Variants in MYH10 observed in about 807,000 individuals in gnomAD.
The protein encoded by MYH10 is myosin-10.
Under a neutral mutation model 257.8 loss-of-function variants are expected in MYH10, and 55 were observed. The ratio of observed to expected loss-of-function variants is 0.21; its 90% confidence interval spans 0.17 to 0.27. MYH10 has a LOEUF of 0.27. Ranked by LOEUF, MYH10 falls within the 10% of genes least tolerant of loss-of-function variation. The pLI is 1.00. For synonymous variants in MYH10, 854 were observed against 921.7 expected, an observed-to-expected ratio of 0.93 and a Z score of 1.33; for missense variants, 1,631 against 2,500.6, an observed-to-expected ratio of 0.65 and a Z score of 7.42.
intron 29 of MYH10, among the ~76,000 whole-genome samples, chr17:8,500,319 AG>A (rs773042240): frequency 2.6e-5 from 4 of 152,190 alleles, no homozygotes; most frequent in African/African-American, 4.8e-5. Flanking sequence ...ATTAAGTTTC[AG>A]GAGAACGGAA....
At chr17:8,494,260 G>A (rs1387890307) in intron 31 of MYH10, among the ~76,000 whole-genome samples, 2 of 151,872 alleles carry the variant, frequency 1.3e-5, no homozygotes, top group African/African-American at 2.4e-5. Flanking sequence ...TCAGCCCTTC[G>A]AACTAGGATC....
rs368387303 is a variant in MYH10 at position 8,486,691 on chromosome 17, CAT to C, written c.5046+740_5046+741del. On this transcript the variant is annotated intron_variant, in intron 36 of 42. Transcript: ENST00000360416. Reference sequence around the variant, plus strand: ...CTGTATGTGAAAATGTATACACACACATGTGTAGAGTTACAAGTCAAACCGTC... The same window carrying C: ...CTGTATGTGAAAATGTATACACACACGTGTAGAGTTACAAGTCAAACCGTC... 5.6e-3 allele frequency among the ~76,000 whole-genome samples: 845 copies of C among 151,988 alleles called. 2 individuals are homozygous for C. Among genetic ancestry groups the C allele is most frequent in the African/African-American group, 0.016 (647 of 41,424 alleles).
intron 3 of MYH10, among the ~76,000 whole-genome samples, chr17:8,600,119 GAGCATAACTCCAGA>G (rs933579453): frequency 2.6e-5 from 4 of 152,206 alleles, no homozygotes; most frequent in African/African-American, 9.7e-5. Context: ...TCCATTATGT[GAGCATAACTCCAGA>G]AGCATCAGCA....
Position 8,481,422 on chromosome 17 carries a change from A to G in MYH10, c.5176-12T>C, listed in dbSNP as rs1913783992. On this transcript the variant is annotated splice_polypyrimidine_tract_variant and intron_variant, in intron 37 of 42. Transcript: ENST00000360416. ...GATGAGGCAAGTTCCTAAGCAGTGG[A>G]GACTGCGTTAAGCTCTGGCTGTGAA... The G allele has an allele frequency of 6.2e-7, 1 of 1,612,688 alleles. No individual in the cohort carries two copies. The highest frequency in any genetic ancestry group is 8.5e-7 in the Non-Finnish European group (1 of 1,179,104).
chr17:8,491,353 C>T (rs182881591), intron 34 of MYH10, among the ~76,000 whole-genome samples: 2 of 152,346 alleles, frequency 1.3e-5, no homozygotes, highest in Admixed American at 1.3e-4. Context: ...GTAGAGTTCT[C>T]TCTCCACATT....
intron 42 of MYH10, 79 bp downstream of exon 42, chr17:8,476,784 TCTAAGTAAACTTC>T (rs1445605395): frequency 1.5e-6 from 2 of 1,374,138 alleles, no homozygotes. Flanking sequence ...TGGGTATGGA[TCTAAGTAAACTTC>T]CTCTGACCAG....
intron 1 of MYH10, among the ~76,000 whole-genome samples, chr17:8,625,623 GC>G (rs1028276576): frequency 2.6e-4 from 39 of 152,236 alleles, no homozygotes; most frequent in African/African-American, 7.5e-4. Flanking sequence ...GGGATTACAG[GC>G]AGGCCTGCAC....
chr17:8,585,284 G>GTATATA (rs1380120586), intron 4 of MYH10, among the ~76,000 whole-genome samples: 3 of 6,392 alleles, frequency 4.7e-4, no homozygotes, highest in Admixed American at 6.6e-3. Flanking sequence ...GCATGTGTGT[G>GTATATA]TGTGTATATA....
intron 22 of MYH10, 39 bp from the exon 23 acceptor site, chr17:8,513,708 C>G (rs746039701): frequency 4.4e-6 from 7 of 1,606,878 alleles, no homozygotes; most frequent in Non-Finnish European, 5.9e-6. Context: ...TTTTATCATT[C>G]CAGCTCTTTC....
At chr17:8,572,064 C>T (rs1475118653) in intron 6 of MYH10, among the ~76,000 whole-genome samples, 1 of 152,142 alleles carries the variant, frequency 6.6e-6, no homozygotes, top group African/African-American at 2.4e-5. Flanking sequence ...AAATCACACA[C>T]CATCCTACCA....
chr17:8,617,530 C>T (rs1989361), intron 2 of MYH10, among the ~76,000 whole-genome samples: 8,638 of 152,214 alleles, frequency 0.057, 854 homozygotes, highest in African/African-American at 0.2. Flanking sequence ...CCTTCTGGAA[C>T]TCCAACTAAA....
intron 6 of MYH10, among the ~76,000 whole-genome samples, chr17:8,571,836 A>G (rs2083354696): frequency 6.6e-6 from 1 of 152,190 alleles, no homozygotes; most frequent in Admixed American, 6.5e-5. Context: ...CCCCGGGGTC[A>G]GCAGTCAGTT....
chr17:8,535,966 T>C lies in MYH10; in HGVS notation c.1606-35A>G, dbSNP rs1352844456. The C allele has an allele frequency of 6.3e-7, 1 of 1,592,864 alleles. No individual in the cohort carries two copies. The highest frequency in any genetic ancestry group is 1.7e-5 in the Admixed American group (1 of 58,116). On this transcript the variant is annotated intron_variant, in intron 14 of 42. Transcript: ENST00000360416. The surrounding 1 kb of genome is among the most constrained non-coding windows in gnomAD (Gnocchi z 4.3). The stretch of plus-strand genomic sequence containing the variant: ...ACAGGCAATAAGAATTCACAAGTTT[T>C]GCATGCCACTTTAATACTACTGAGT...
At position 8,504,366 on chromosome 17, in the gene MYH10, A is replaced by G. The variant is rs893716151; in HGVS notation, c.3599+328T>C. ...TGTTTACCCTTCTCCCTCTGGTCCT[A>G]TCTATCTAAATCTCTTTTCACTGCC... On this transcript the variant is annotated intron_variant, in intron 28 of 42. Transcript: ENST00000360416. The surrounding 1 kb of genome is among the most constrained non-coding windows in gnomAD (Gnocchi z 5.6). Among the ~76,000 whole-genome samples, 2 of 151,654 alleles carry G rather than the reference A, an allele frequency of 1.3e-5. No homozygotes were observed. The highest frequency in any genetic ancestry group is 4.9e-5 in the African/African-American group (2 of 41,214).
chr17:8,493,082 AG>A, intron 32 of MYH10, 58 bp from the exon 33 acceptor site: 1 of 1,564,314 alleles, frequency 6.4e-7, no homozygotes, highest in South Asian at 1.2e-5. Context: ...AATTGGGGCC[AG>A]GCATGGTGGC....
intron 35 of MYH10, among the ~76,000 whole-genome samples, chr17:8,489,226 G>A (rs1012167044): frequency 6.6e-6 from 1 of 152,096 alleles, no homozygotes; most frequent in African/African-American, 2.4e-5. Flanking sequence ...TGCAGCCAGG[G>A]CCGAGGTCCT....
At chr17:8,592,228 A>T (rs958465767) in intron 3 of MYH10, among the ~76,000 whole-genome samples, 1 of 152,200 alleles carries the variant, frequency 6.6e-6, no homozygotes, top group Non-Finnish European at 1.5e-5. Flanking sequence ...TAAATCAATG[A>T]TCTGGGCTCT....
chr17:8,561,247 G>C (rs749296243), intron 7 of MYH10: 1 of 910,644 alleles, frequency 1.1e-6, no homozygotes, highest in Non-Finnish European at 1.8e-6. Flanking sequence ...AGAAAAGAAG[G>C]AACAAAGGTC....
intron 35 of MYH10, among the ~76,000 whole-genome samples, chr17:8,488,758 G>C (rs1342345789): frequency 1.3e-5 from 2 of 152,080 alleles, no homozygotes; most frequent in African/African-American, 4.8e-5. Context: ...GAGGAGCAGG[G>C]CAGCTGCTTC....
Sources: allele counts gnomAD v4.1 joint callset (sites outside exome capture counted in the v4.1 genomes callset), GRCh38; gene constraint gnomAD v4.1.1; non-coding constraint Gnocchi (gnomAD v3.1); transcripts MANE v1.5; gene names NCBI Gene and HGNC (gene_info 2026-07-23, HGNC 2026-07-21).